The following BLM variants were observed in gnomAD, a reference collection of about 807,000 sequenced individuals.
BLM encodes the protein BLM RecQ like helicase.
BLM carries 95 observed loss-of-function variants against 135.3 expected under a neutral mutation model. That is an observed-to-expected ratio of 0.70 (90% confidence interval 0.59 to 0.83). BLM has a LOEUF of 0.83. Among genes scored for constraint, BLM ranks in the 40% least tolerant of loss-of-function variants. The pLI is 0.00. For missense variants in BLM, 1,518 were observed against 1,663.9 expected (o/e 0.91, Z 1.53); for synonymous variants, 520 against 589.2 (o/e 0.88, Z 1.70).
Position 90,794,265 on chromosome 15 carries a change from C to T in BLM, c.3118C>T (p.Gln1040Ter), listed in dbSNP as rs2151187323. ...AAATATAACGGAATGCAGGAGAATA[C>T]AGCTTTTGGCCTACTTTGGTGAAAA... ...CENITECRRI[Q>*]LLAYFGENGF... is the part of the protein sequence containing the mutation. The change falls in exon 16 of 22, where the codon CAG (glutamine) becomes TAG (stop). Residue 1040 changes from glutamine (Q) to a stop codon, truncating the protein, a stop_gained. Transcript: ENST00000355112. LOFTEE classifies it high-confidence loss of function. The T allele has an allele frequency of 6.2e-7, 1 of 1,606,818 alleles. No homozygotes were observed. The highest frequency in any genetic ancestry group is 8.5e-7 in the Non-Finnish European group (1 of 1,175,736).
At chr15:90,787,306 G>A (rs981596690) in intron 14 of BLM, among the ~76,000 whole-genome samples, 1 of 151,910 alleles carries the variant, frequency 6.6e-6, no homozygotes, top group Non-Finnish European at 1.5e-5. Context: ...GCCCGCCTCG[G>A]CCTCCCAAAA....
At chr15:90,739,123 C>T (rs549082482) in intron 1 of BLM, among the ~76,000 whole-genome samples, 5 of 152,234 alleles carry the variant, frequency 3.3e-5, no homozygotes, top group South Asian at 2.1e-4. Context: ...CGGCCAGGCG[C>T]GGTGGCTCAC....
chr15:90,760,091 A>G (rs1454328638), intron 5 of BLM, 56 bp from the exon 6 acceptor site: 1 of 1,526,548 alleles, frequency 6.6e-7, no homozygotes, highest in Non-Finnish European at 9.0e-7. Flanking sequence ...ATGCCTAGCC[A>G]AGACTTTTTT....
At chr15:90,757,231 A>C (rs1476938812) in intron 5 of BLM, among the ~76,000 whole-genome samples, 1 of 150,212 alleles carries the variant, frequency 6.7e-6, no homozygotes, top group Non-Finnish European at 1.5e-5. Flanking sequence ...AAATTTTTTG[A>C]AAATTAGAAC....
intron 12 of BLM, among the ~76,000 whole-genome samples, chr15:90,779,194 C>T (rs530354798): frequency 1.2e-4 from 18 of 152,040 alleles, no homozygotes; most frequent in Non-Finnish European, 2.6e-4. Flanking sequence ...CTATGTTTAA[C>T]GTTTTAAAGA....
At chr15:90,812,268 A>C (rs1194853384) in intron 21 of BLM, among the ~76,000 whole-genome samples, 1 of 152,118 alleles carries the variant, frequency 6.6e-6, no homozygotes, top group South Asian at 2.1e-4. Context: ...TAGCAAGAAG[A>C]AGCCACAACA....
chr15:90,725,417 T>C (rs1894883226), intron 1 of BLM, among the ~76,000 whole-genome samples: 1 of 152,240 alleles, frequency 6.6e-6, no homozygotes, highest in Non-Finnish European at 1.5e-5. Flanking sequence ...TAGTATTTTC[T>C]GGTAGCATTC....
At chr15:90,718,316 C>A (rs1034316728) in intron 1 of BLM, among the ~76,000 whole-genome samples, 1 of 152,134 alleles carries the variant, frequency 6.6e-6, no homozygotes, top group African/African-American at 2.4e-5. Flanking sequence ...TTGAACTAAG[C>A]GCCTGATTTT....
chr15:90,745,157 C>G, intron 1 of BLM, among the ~76,000 whole-genome samples: 1 of 152,280 alleles, frequency 6.6e-6, no homozygotes, highest in South Asian at 2.1e-4. Context: ...GAAAGAAGCT[C>G]TCAATGACTC....
At chr15:90,809,782 A>AG (rs1314643335) in intron 20 of BLM, among the ~76,000 whole-genome samples, 7 of 152,202 alleles carry the variant, frequency 4.6e-5, no homozygotes, top group African/African-American at 1.7e-4. Flanking sequence ...ACGTTCCCGG[A>AG]GTCACGTTAG....
intron 14 of BLM, 60 bp downstream of exon 14, chr15:90,785,141 A>G (rs1896714710): frequency 6.6e-7 from 1 of 1,524,080 alleles, no homozygotes; most frequent in Non-Finnish European, 9.0e-7. Context: ...ATAACCAAAC[A>G]TGCACATGTA....
At chr15:90,734,896 T>A (rs1394499850) in intron 1 of BLM, among the ~76,000 whole-genome samples, 1 of 152,074 alleles carries the variant, frequency 6.6e-6, no homozygotes, top group East Asian at 1.9e-4. Context: ...GCACAAGATT[T>A]GGAAAATAAA....
rs775518623 is a variant in BLM at position 90,790,864 on chromosome 15, A to G, written c.3019+20A>G. 1.9e-6 allele frequency: 3 copies of G among 1,603,060 alleles called. No homozygotes were observed. Among genetic ancestry groups the G allele is most frequent in the Non-Finnish European group, 2.6e-6 (3 of 1,170,222 alleles). On this transcript the variant is annotated intron_variant, in intron 15 of 21. Transcript: ENST00000355112. ...TAATGAGTAAGCTGGGCTCCATTGT[A>G]GAGACATTCTGTCATCTTCAGCCTC...
chr15:90,780,123 C>T (rs566709952), intron 12 of BLM, among the ~76,000 whole-genome samples: 4 of 147,470 alleles, frequency 2.7e-5, no homozygotes, highest in African/African-American at 5.0e-5. Flanking sequence ...TCTCACTCTT[C>T]GCCCAGGCTG....
chr15:90,779,946 G>A (rs1450996939), intron 12 of BLM, among the ~76,000 whole-genome samples: 2 of 152,098 alleles, frequency 1.3e-5, no homozygotes, highest in African/African-American at 4.8e-5. Context: ...TTGGTGTCCT[G>A]GAGGTTTTTA....
In BLM at chr15:90,769,432, A is replaced by G. The variant is rs1478497820; in HGVS notation, c.2407-6A>G. 4.3e-6 allele frequency: 7 copies of G among 1,613,722 alleles called. No individual in the cohort carries two copies. In the African/African-American group the frequency reaches 6.7e-5, roughly 15 times the overall value. ...TCTGAAAAGCAGTATTTTTTTTTCC[A>G]ACTAGTGGGGACATGATTTTCGTCA... On this transcript the variant is annotated splice_region_variant and splice_polypyrimidine_tract_variant and intron_variant, in intron 11 of 21. Coordinates refer to ENST00000355112, the MANE Select transcript of BLM (RefSeq NM_000057.4).
At chr15:90,752,000 G>A (rs1255255116) in intron 4 of BLM, 54 bp downstream of exon 4, 1 of 1,411,730 alleles carries the variant, frequency 7.1e-7, no homozygotes, top group Non-Finnish European at 9.9e-7. Context: ...ACTTTAAATT[G>A]TTTAATTTAG....
rs1896711135 is a variant in BLM, at chr15:90,785,041, A to T, written c.2783A>T (p.Asp928Val). Residue 928 changes from aspartate to valine, a missense_variant, in exon 14 of 22, where the codon GAT (aspartate) becomes GTT (valine). Physicochemically the swap from Asp to Val is radical, Grantham distance 152. This residue lies in a region of BLM where 626 missense variants were observed against 681.1 expected (regional missense o/e 0.92). Coordinates refer to ENST00000355112, the MANE Select transcript of BLM (RefSeq NM_000057.4). ...YHAGLSDSARDEVQQKWINQD... is the reference protein window; with the variant it reads ...YHAGLSDSARVEVQQKWINQD... ...GCTGGCCTCAGTGATTCTGCCAGAG[A>T]TGAAGTGCAGCAGAAGTGGATTAAT... The T allele has an allele frequency of 6.2e-7, 1 of 1,614,046 alleles. No individual in the cohort carries two copies. The highest frequency in any genetic ancestry group is 1.7e-5 in the Admixed American group (1 of 59,996).
intron 12 of BLM, among the ~76,000 whole-genome samples, chr15:90,773,249 ATC>A (rs1387949888): frequency 6.6e-6 from 1 of 151,856 alleles, no homozygotes; most frequent in East Asian, 1.9e-4. Flanking sequence ...TTGAAACCCC[ATC>A]TCTACTAAAA....
Sources: allele counts gnomAD v4.1 joint callset (sites outside exome capture counted in the v4.1 genomes callset), GRCh38; gene constraint gnomAD v4.1.1; regional missense constraint gnomAD v4.1.1; transcripts MANE v1.5; gene names NCBI Gene and HGNC (gene_info 2026-07-23, HGNC 2026-07-21).